Variants in CNFN observed in about 807,000 individuals in gnomAD.
CNFN encodes cornefied envelope protein cornefilin.
In CNFN, 10 loss-of-function variants were observed where a neutral mutation model predicts 14.9. The ratio of observed to expected loss-of-function variants is 0.67; its 90% CI spans 0.41 to 1.14. The LOEUF is 1.14. Among genes scored for constraint, CNFN ranks in the 50% most tolerant of loss-of-function variants. The pLI is 0.00. For missense variants in CNFN, 165 were observed against 152.8 expected, an observed-to-expected ratio of 1.08 and a Z score of -0.42; for synonymous variants, 66 against 60.0, an observed-to-expected ratio of 1.10 and a Z score of -0.46.
chr19:42,387,929 T>C (rs1273735399), intron 2 of CNFN, among the ~76,000 whole-genome samples: 2 of 132,260 alleles, frequency 1.5e-5, no homozygotes, highest in African/African-American at 5.9e-5. Context: ...GCAGTGAGCA[T>C]AGACTGTGCC....
intron 1 of CNFN, among the ~76,000 whole-genome samples, 168 bp from the exon 2 acceptor site, chr19:42,389,207 G>A (rs537147220): frequency 2.0e-5 from 3 of 152,372 alleles, no homozygotes; most frequent in East Asian, 1.9e-4. Flanking sequence ...TCTGGGCACC[G>A]GCAACCCCAG....
chr19:42,387,674 C>A (rs944138560), intron 2 of CNFN, among the ~76,000 whole-genome samples, 198 bp from the exon 3 acceptor site: 2 of 127,880 alleles, frequency 1.6e-5, no homozygotes, highest in African/African-American at 2.8e-5. Context: ...TTTTTTTCTT[C>A]TTTTTTTTTT....
chr19:42,390,166 G>C (rs985047350), intron 1 of CNFN, 74 bp downstream of exon 1: 1 of 154,646 alleles, frequency 6.5e-6, no homozygotes, highest in African/African-American at 2.4e-5. Context: ...TGATATGAGT[G>C]GGATGAGGAG....
At chr19:42,388,178 C>T (rs1486949073) in intron 2 of CNFN, among the ~76,000 whole-genome samples, 1 of 151,856 alleles carries the variant, frequency 6.6e-6, no homozygotes, top group Non-Finnish European at 1.5e-5. Flanking sequence ...TGTGCCACCA[C>T]CTCGGGCTAA....
chr19:42,389,742 C>G (rs1332834377), intron 1 of CNFN, among the ~76,000 whole-genome samples: 5 of 151,858 alleles, frequency 3.3e-5, no homozygotes, highest in Non-Finnish European at 7.4e-5. Context: ...AGGGCGGGGG[C>G]GAGAAACTCG....
At chr19:42,390,046 T>G (rs2039886679) in intron 1 of CNFN, among the ~76,000 whole-genome samples, 194 bp downstream of exon 1, 1 of 152,146 alleles carries the variant, frequency 6.6e-6, no homozygotes. Flanking sequence ...GCCCCAAGAC[T>G]TCTAAATTCA....
rs1600090322 is a variant in CNFN at position 42,388,948 on chromosome 19, G to A, written c.90C>T (p.Asp30=). ...QLSDWHTGLT[D]CCNDMPVCLC... ...CACAGACAGGCATGTCGTTGCAGCA[G>A]TCCGTGAGACCTGTGTGCCAGTCAC... Residue 30 remains aspartate, a synonymous_variant, in exon 2 of 4, where the codon GAC becomes GAT. Transcript: ENST00000222032. 1.2e-6 allele frequency: 2 copies of A among 1,613,624 alleles called. No individual in the cohort carries two copies. Among genetic ancestry groups the A allele is most frequent in the Admixed American group, 3.3e-5 (2 of 60,010 alleles).
At chr19:42,387,995 CA>C (rs755521374) in intron 2 of CNFN, among the ~76,000 whole-genome samples, 4 of 36,148 alleles carry the variant, frequency 1.1e-4, no homozygotes, top group African/African-American at 3.4e-4. Flanking sequence ...AAACAAAAAA[CA>C]AAACAAAAAA....
At chr19:42,387,560 C>G (rs983092345) in intron 2 of CNFN, 84 bp from the exon 3 acceptor site, 40 of 1,019,088 alleles carry the variant, frequency 3.9e-5, no homozygotes, top group Non-Finnish European at 5.2e-5. Context: ...GTTGATTCGC[C>G]GCGGAGGGGC....
At chr19:42,389,914 G>C (rs888164836) in intron 1 of CNFN, among the ~76,000 whole-genome samples, 5 of 152,314 alleles carry the variant, frequency 3.3e-5, no homozygotes, top group Admixed American at 1.3e-4. Flanking sequence ...GCCCACATGT[G>C]CCCAGCACTT....
chr19:42,387,662 T>C (rs2039864108), intron 2 of CNFN, among the ~76,000 whole-genome samples, 186 bp from the exon 3 acceptor site: 1 of 148,390 alleles, frequency 6.7e-6, no homozygotes, highest in Non-Finnish European at 1.5e-5. Context: ...TTTTTCTTTT[T>C]TTTTTTTTCT....
chr19:42,388,808 G>A (rs1251782334), intron 2 of CNFN, 118 bp downstream of exon 2: 1 of 668,312 alleles, frequency 1.5e-6, no homozygotes, highest in Non-Finnish European at 2.6e-6. Flanking sequence ...GTCCAGGGAA[G>A]GGAGGTGGGA....
Position 42,389,081 on chromosome 19 carries a change from G to A in CNFN, c.-2-42C>T, listed in dbSNP as rs566214892. 29 of 1,446,280 alleles carry A rather than the reference G, an allele frequency of 2.0e-5. No individual in the cohort carries two copies. In the South Asian group the frequency reaches 3.4e-4, roughly 17 times the overall value. 89.6% of individuals were successfully genotyped at this position (1,446,280 alleles called of 1,614,324 possible). A position where few individuals can be genotyped will look rare whatever the true frequency, so the allele number is the denominator to read the frequency against. ...GTAGGGGTCAGCTGGCAGCCTCGCAGCATCTCCTGGGCCCCGCACTTCGGC... is the reference window on the plus strand; with the variant it reads ...GTAGGGGTCAGCTGGCAGCCTCGCAACATCTCCTGGGCCCCGCACTTCGGC... On this transcript the variant is annotated intron_variant, in intron 1 of 3. Coordinates refer to ENST00000222032, the MANE Select transcript of CNFN (RefSeq NM_032488.4).
chr19:42,388,434 C>T (rs146010550), intron 2 of CNFN, among the ~76,000 whole-genome samples: 286 of 152,190 alleles, frequency 1.9e-3, no homozygotes, highest in Middle Eastern at 0.014. Flanking sequence ...ACCTTGTGGT[C>T]CACCTGCCAT....
Position 42,387,333 on chromosome 19 carries a change from C to A in CNFN, c.249+7G>T, listed in dbSNP as rs376334179. On this transcript the variant is annotated splice_region_variant and intron_variant, in intron 3 of 3. Coordinates refer to ENST00000222032, the MANE Select transcript of CNFN (RefSeq NM_032488.4). ...CTGCTCCCGCGGGTCCCCAGCCCGG[C>A]GCGCACCTGGATGTGGTAGCGCTCC... 705 of 1,596,320 alleles carry A rather than the reference C, an allele frequency of 4.4e-4. No homozygotes were observed. Among genetic ancestry groups the A allele is most frequent in the Admixed American group, 8.8e-4 (50 of 57,022 alleles).
At chr19:42,388,005 A>C (rs529107156) in intron 2 of CNFN, among the ~76,000 whole-genome samples, 15,957 of 143,380 alleles carry the variant, frequency 0.11, 1,531 homozygotes, top group African/African-American at 0.23. Context: ...CAAAACAAAA[A>C]AAAAAACGAA....
chr19:42,389,751 C>T (rs1269774158), intron 1 of CNFN, among the ~76,000 whole-genome samples: 2 of 152,112 alleles, frequency 1.3e-5, no homozygotes, highest in East Asian at 1.9e-4. Flanking sequence ...GCGAGAAACT[C>T]GCCCATGTCT....
chr19:42,389,115 C>T, intron 1 of CNFN, 76 bp from the exon 2 acceptor site: 6 of 1,152,774 alleles, frequency 5.2e-6, no homozygotes, highest in Non-Finnish European at 5.0e-6. Context: ...GCCACCCTTC[C>T]CTGTGCCGGG....
At position 42,387,477 on chromosome 19, in the gene CNFN, C is replaced by T; in HGVS notation, c.113-1G>A. ...AGAGGAGCAAAAGTGCCGCACAGACCTGGGCGGGGCGCAGGCGCTCAGGGG... is the reference window on the plus strand; with the variant it reads ...AGAGGAGCAAAAGTGCCGCACAGACTTGGGCGGGGCGCAGGCGCTCAGGGG... On this transcript the variant is annotated splice_acceptor_variant, in intron 2 of 3. Transcript: ENST00000222032. LOFTEE classifies it high-confidence loss of function. The T allele has an allele frequency of 6.4e-7, 1 of 1,568,374 alleles. No individual in the cohort carries two copies. Among genetic ancestry groups the T allele is most frequent in the South Asian group, 1.2e-5 (1 of 86,042 alleles).
Sources: allele counts gnomAD v4.1 joint callset (sites outside exome capture counted in the v4.1 genomes callset), GRCh38; gene constraint gnomAD v4.1.1; transcripts MANE v1.5; gene names NCBI Gene and HGNC (gene_info 2026-07-23, HGNC 2026-07-21).